C7: variants seen among roughly 807,000 people sequenced by gnomAD.
C7 encodes complement component C7.
C7 carries 83 observed loss-of-function variants against 104.8 expected under a neutral mutation model. That is an observed-to-expected ratio of 0.79 (90% CI 0.66 to 0.95). The LOEUF (loss-of-function observed/expected upper bound fraction) is 0.95. Ranked by LOEUF, C7 falls within the 40% of genes least tolerant of loss-of-function variation. The pLI, the probability that C7 is intolerant of heterozygous loss-of-function variation, is 0.00. For synonymous variants in C7, 415 were observed against 360.6 expected (o/e 1.15, Z -1.71); for missense variants, 1,070 against 1,011.2 (o/e 1.06, Z -0.79).
chr5:40,949,944 T>C lies in C7; in HGVS notation c.1023T>C (p.Gly341=), dbSNP rs1270273602. Reference sequence around the variant, plus strand: ...AAGAAAAGAAATGTAAATCCTCAGGTTGGCATTTTGTCGTTAAATTTTCAA... The same window carrying C: ...AAGAAAAGAAATGTAAATCCTCAGGCTGGCATTTTGTCGTTAAATTTTCAA... ...SVEEKKCKSS[G]WHFVVKFSSH... The change falls in exon 9 of 18, where the codon GGT becomes GGC. Residue 341 remains glycine, a synonymous_variant. Transcript: ENST00000313164. 1.2e-6 allele frequency: 2 copies of C among 1,600,394 alleles called. No individual in the cohort carries two copies. Among genetic ancestry groups the C allele is most frequent in the Admixed American group, 1.7e-5 (1 of 58,194 alleles).
rs763994702 is a variant in C7 at position 40,958,086 on chromosome 5, A to T, written c.1314A>T (p.Lys438Asn). ...VKEVPCASVKKLYLKWALEEY... is the reference protein window; with the variant it reads ...VKEVPCASVKNLYLKWALEEY... ...AAGTACCTTGTGCCTCTGTGAAAAA[A>T]CTATACCTGAAATGGGCTCTTGAAG... is the stretch of plus-strand genomic sequence containing the variant. Residue 438 changes from lysine (K) to asparagine (N), a missense_variant, in exon 11 of 18, where the codon AAA becomes AAT. Physicochemically the swap from Lys to Asn is moderately conservative, Grantham distance 94 (BLOSUM62 0). Transcript: ENST00000313164. 6.2e-7 allele frequency: 1 copy of T among 1,613,688 alleles called. No individual in the cohort carries two copies.
chr5:40,984,088 T>C lies in C7; in HGVS notation c.*2515T>C, dbSNP rs974730187. ...AAGTTACCTGGGCAGAGAAGGTGCCTGAGAATATTTCCTAATCGTTTTGAG... is the reference window on the plus strand; with the variant it reads ...AAGTTACCTGGGCAGAGAAGGTGCCCGAGAATATTTCCTAATCGTTTTGAG... On this transcript the variant is annotated 3_prime_UTR_variant, in exon 18 of 18. Coordinates refer to ENST00000313164, the MANE Select transcript of C7 (RefSeq NM_000587.4). 3.9e-5 allele frequency among the ~76,000 whole-genome samples: 6 copies of C among 152,178 alleles called. No individual in the cohort carries two copies. The highest frequency in any genetic ancestry group is 7.4e-5 in the Non-Finnish European group (5 of 68,024).
intron 16 of C7, among the ~76,000 whole-genome samples, chr5:40,978,873 A>AT (rs372551834): frequency 0.038 from 3,063 of 79,994 alleles, 151 homozygotes; most frequent in Non-Finnish European, 0.053. Flanking sequence ...TTTTATGGAA[A>AT]TTTTTTTTTT....
At chr5:40,952,469 T>C (rs9292797) in intron 9 of C7, among the ~76,000 whole-genome samples, 24,594 of 150,768 alleles carry the variant, frequency 0.16, 2,029 homozygotes, top group East Asian at 0.2. Flanking sequence ...TGGTAGAATC[T>C]GTAATTCTTT....
intron 15 of C7, among the ~76,000 whole-genome samples, chr5:40,972,796 G>A (rs552616299): frequency 1.3e-5 from 2 of 152,312 alleles, no homozygotes; most frequent in East Asian, 3.9e-4. Flanking sequence ...GAAAGGCAAG[G>A]ATAGCCTGGT....
chr5:40,937,322 T>C (rs1488243371), intron 5 of C7: 2 of 293,520 alleles, frequency 6.8e-6, no homozygotes, highest in Non-Finnish European at 1.2e-5. Context: ...GAATGTTGGA[T>C]TTTCTGAGCC....
intron 10 of C7, among the ~76,000 whole-genome samples, chr5:40,957,716 A>G (rs1740322871): frequency 1.3e-5 from 2 of 151,632 alleles, no homozygotes; most frequent in Admixed American, 1.3e-4. Flanking sequence ...GCAGCCTCTC[A>G]AAGTGCTGGC....
intron 9 of C7, among the ~76,000 whole-genome samples, chr5:40,951,603 C>G (rs1272695578): frequency 6.6e-6 from 1 of 152,062 alleles, no homozygotes; most frequent in Non-Finnish European, 1.5e-5. Flanking sequence ...AACATGTACC[C>G]CATGAATCGA....
chr5:40,955,838 T>C lies in C7; in HGVS notation c.1260+285T>C, dbSNP rs546338035. On this transcript the variant is annotated intron_variant, in intron 10 of 17. Coordinates refer to ENST00000313164, the MANE Select transcript of C7 (RefSeq NM_000587.4). Reference sequence around the variant, plus strand: ...TTTTGATCTAAGTTCGATTATGTCTTCCTTGGTCCCTAATTCAGAGGAGTT... The same window carrying C: ...TTTTGATCTAAGTTCGATTATGTCTCCCTTGGTCCCTAATTCAGAGGAGTT... Among the ~76,000 whole-genome samples, 198 of 152,332 alleles carry C rather than the reference T, an allele frequency of 1.3e-3. 2 individuals carry two copies. The highest frequency in any genetic ancestry group is 5.6e-3 in the South Asian group (27 of 4,822).
At chr5:40,918,687 TA>T (rs201227337) in intron 1 of C7, among the ~76,000 whole-genome samples, 38,636 of 143,066 alleles carry the variant, frequency 0.27, 5,749 homozygotes, top group African/African-American at 0.43. Flanking sequence ...TCAAAAACTG[TA>T]AAAAAAAAAA....
Position 40,965,307 on chromosome 5 carries a change from A to G in C7, c.1882+434A>G, listed in dbSNP as rs561725478. On this transcript the variant is annotated intron_variant, in intron 14 of 17. Coordinates refer to ENST00000313164, the MANE Select transcript of C7 (RefSeq NM_000587.4). ...CTCTGGCTTCCATCTCTCTTGCAAT[A>G]TAAGTTTGTTCAGCAAATGAATAGG... is the stretch of plus-strand genomic sequence containing the variant. Among the ~76,000 whole-genome samples, 9 of 152,314 alleles carry G rather than the reference A, an allele frequency of 5.9e-5. No homozygotes were observed. In the East Asian group the frequency reaches 7.7e-4, roughly 13 times the overall value.
intron 10 of C7, among the ~76,000 whole-genome samples, chr5:40,956,300 A>G: frequency 6.6e-6 from 1 of 152,196 alleles, no homozygotes; most frequent in Admixed American, 6.5e-5. Flanking sequence ...CTTGTGAGTT[A>G]CTGTGAAGTG....
intron 16 of C7, among the ~76,000 whole-genome samples, chr5:40,977,567 A>G (rs924276794): frequency 6.6e-6 from 1 of 152,172 alleles, no homozygotes; most frequent in Non-Finnish European, 1.5e-5. Context: ...GGCCCTGAGG[A>G]GGAGCTGACA....
Position 40,931,601 on chromosome 5 carries a change from T to C in C7, c.138+462T>C, listed in dbSNP as rs117904223. 7.3e-3 allele frequency among the ~76,000 whole-genome samples: 1,106 copies of C among 152,314 alleles called. 21 individuals carry two copies. Among genetic ancestry groups the C allele is most frequent in the Admixed American group, 0.032 (483 of 15,294 alleles). On this transcript the variant is annotated intron_variant, in intron 3 of 17. Coordinates refer to ENST00000313164, the MANE Select transcript of C7 (RefSeq NM_000587.4). ...ACCATGAAAAAAATTTTGCAAAATG[T>C]CTTAAAGTTTAATTGCTAAGTAACA...
chr5:40,927,364 T>A (rs957407213), intron 1 of C7, among the ~76,000 whole-genome samples: 3 of 151,976 alleles, frequency 2.0e-5, no homozygotes, highest in Non-Finnish European at 2.9e-5. Context: ...ACTCCAAAAG[T>A]GCAGGCAACA....
rs768841111 is a variant in C7, at chr5:40,931,088, G to T, written c.87G>T (p.Gln29His). Residue 29 changes from glutamine (Q) to histidine (H), a missense_variant, in exon 3 of 18, where the codon CAG becomes CAT. Coordinates refer to ENST00000313164, the MANE Select transcript of C7 (RefSeq NM_000587.4). The part of the protein sequence containing the change: ...FSSASSPVNC[Q>H]WDFYAPWSEC... Reference sequence around the variant, plus strand: ...GTGCCTCCTCTCCAGTCAACTGCCAGTGGGACTTCTATGCCCCTTGGTCAG... The same window carrying T: ...GTGCCTCCTCTCCAGTCAACTGCCATTGGGACTTCTATGCCCCTTGGTCAG... The T allele has an allele frequency of 7.4e-6, 12 of 1,613,610 alleles. No individual in the cohort carries two copies. Among genetic ancestry groups the T allele is most frequent in the Non-Finnish European group, 9.3e-6 (11 of 1,179,606 alleles).
chr5:40,937,014 A>C (rs1739831912), intron 5 of C7, among the ~76,000 whole-genome samples: 1 of 152,166 alleles, frequency 6.6e-6, no homozygotes, highest in African/African-American at 2.4e-5. Flanking sequence ...AAGAATTTTT[A>C]AGGGTCATAT....
chr5:40,980,641 C>A (rs1037138346), intron 17 of C7, among the ~76,000 whole-genome samples: 2 of 152,224 alleles, frequency 1.3e-5, no homozygotes, highest in Admixed American at 6.5e-5. Flanking sequence ...AGAGCCAAGT[C>A]ACTGTCTGGG....
intron 7 of C7, among the ~76,000 whole-genome samples, chr5:40,946,053 T>A (rs933604011): frequency 3.3e-5 from 5 of 151,740 alleles, no homozygotes; most frequent in African/African-American, 1.2e-4. Flanking sequence ...GATACTATTT[T>A]AAGTGTCATA....
Sources: allele counts gnomAD v4.1 joint callset (sites outside exome capture counted in the v4.1 genomes callset), GRCh38; gene constraint gnomAD v4.1.1; transcripts MANE v1.5; gene names NCBI Gene and HGNC (gene_info 2026-07-23, HGNC 2026-07-21).